Variants in AGMO observed in about 807,000 individuals in gnomAD.
AGMO encodes the protein glyceryl-ether monooxygenase.
AGMO carries 75 observed loss-of-function variants against 60.2 expected under a neutral mutation model. The ratio of observed to expected loss-of-function variants is 1.25; its 90% confidence interval spans 1.03 to 1.51. The LOEUF is 1.51. AGMO is among the 40% of genes most tolerant of loss of function. The pLI, the probability that AGMO is intolerant of heterozygous loss-of-function variation, is 0.00. For missense variants in AGMO, 763 were observed against 525.5 expected (o/e 1.45, Z -4.42); for synonymous variants, 261 against 177.1 (o/e 1.47, Z -3.76).
intron 12 of AGMO, among the ~76,000 whole-genome samples, chr7:15,329,876 G>A (rs930746050): frequency 1.3e-5 from 2 of 152,138 alleles, no homozygotes; most frequent in Non-Finnish European, 2.9e-5. Context: ...GGGTTTGGTA[G>A]AGGGTTGAGC....
chr7:15,340,688 G>C (rs538526835), intron 12 of AGMO, among the ~76,000 whole-genome samples: 4 of 152,320 alleles, frequency 2.6e-5, no homozygotes, highest in Non-Finnish European at 4.4e-5. Flanking sequence ...CAAGAATTGA[G>C]ATTTGGGAAC....
chr7:15,376,394 T>C lies in AGMO; in HGVS notation c.1074+9052A>G, dbSNP rs1247816619. ...TATATTGATTTTTTTACAGGTTTTT[T>C]TCAGCAGCTTTATTAAAAAACGCCA... On this transcript the variant is annotated intron_variant, in intron 10 of 12. Coordinates refer to ENST00000342526, the MANE Select transcript of AGMO (RefSeq NM_001004320.2). 3.3e-5 allele frequency among the ~76,000 whole-genome samples: 5 copies of C among 152,102 alleles called. No homozygotes were observed. In the East Asian group the frequency reaches 5.8e-4, roughly 18 times the overall value.
At chr7:15,427,439 G>A (rs974859056) in intron 4 of AGMO, among the ~76,000 whole-genome samples, 12 of 152,014 alleles carry the variant, frequency 7.9e-5, no homozygotes, top group African/African-American at 2.9e-4. Flanking sequence ...AGTATTAATC[G>A]AATTCCACAC....
chr7:15,442,906 G>A (rs1200738924), intron 3 of AGMO, among the ~76,000 whole-genome samples: 2 of 152,120 alleles, frequency 1.3e-5, no homozygotes, highest in Non-Finnish European at 2.9e-5. Context: ...TGATGTAAGA[G>A]CACACCAACA....
intron 10 of AGMO, among the ~76,000 whole-genome samples, chr7:15,367,959 T>G (rs1321088484): frequency 6.6e-6 from 1 of 152,100 alleles, no homozygotes; most frequent in Non-Finnish European, 1.5e-5. Context: ...GTCACAATTT[T>G]TGCTCACATG....
At chr7:15,265,696 A>G (rs897185995) in intron 12 of AGMO, among the ~76,000 whole-genome samples, 11 of 152,198 alleles carry the variant, frequency 7.2e-5, no homozygotes, top group Non-Finnish European at 1.3e-4. Context: ...GCCATTGATA[A>G]TAGTGTAAAA....
At chr7:15,309,840 C>T (rs1780718399) in intron 12 of AGMO, among the ~76,000 whole-genome samples, 1 of 152,078 alleles carries the variant, frequency 6.6e-6, no homozygotes, top group Non-Finnish European at 1.5e-5. Context: ...CATTGTTCCC[C>T]ATCTTTAATA....
At chr7:15,474,935 G>GA (rs559679153) in intron 3 of AGMO, among the ~76,000 whole-genome samples, 170 of 152,000 alleles carry the variant, frequency 1.1e-3, no homozygotes, top group Non-Finnish European at 1.8e-3. Flanking sequence ...CGACAAACAT[G>GA]AAAAAAAGCT....
chr7:15,463,588 T>C (rs970153266), intron 3 of AGMO, among the ~76,000 whole-genome samples: 6 of 152,146 alleles, frequency 3.9e-5, no homozygotes, highest in African/African-American at 1.2e-4. Context: ...ACACTGGAGA[T>C]ACAAGAAAAA....
chr7:15,476,072 C>A (rs12531211), intron 3 of AGMO, among the ~76,000 whole-genome samples: 1 of 151,884 alleles, frequency 6.6e-6, no homozygotes, highest in African/African-American at 2.4e-5. Flanking sequence ...GATGAGTAAG[C>A]GACACACTGT....
At chr7:15,225,484 T>C (rs1016014200) in intron 12 of AGMO, among the ~76,000 whole-genome samples, 17 of 152,004 alleles carry the variant, frequency 1.1e-4, no homozygotes, top group African/African-American at 4.1e-4. Flanking sequence ...CACATGATTA[T>C]AAAATTGTGT....
At chr7:15,204,155 A>C (rs1372372511) in intron 12 of AGMO, among the ~76,000 whole-genome samples, 1 of 152,140 alleles carries the variant, frequency 6.6e-6, no homozygotes, top group East Asian at 1.9e-4. Context: ...ATATGTGTTT[A>C]TATATAAATA....
intron 12 of AGMO, among the ~76,000 whole-genome samples, chr7:15,342,326 C>T (rs779079525): frequency 6.6e-6 from 1 of 151,880 alleles, no homozygotes; most frequent in Admixed American, 6.6e-5. Context: ...GACCAGAAAA[C>T]AAAGGAGGGA....
chr7:15,370,663 G>A (rs543583614), intron 10 of AGMO, among the ~76,000 whole-genome samples: 2 of 150,730 alleles, frequency 1.3e-5, no homozygotes, highest in South Asian at 2.1e-4. Context: ...ATTTTTTCAT[G>A]TTTGTTGGAT....
chr7:15,474,413 T>C (rs917181629), intron 3 of AGMO, among the ~76,000 whole-genome samples: 1 of 152,128 alleles, frequency 6.6e-6, no homozygotes, highest in African/African-American at 2.4e-5. Flanking sequence ...TACAACCATC[T>C]GATCTTTGAC....
intron 3 of AGMO, among the ~76,000 whole-genome samples, chr7:15,446,079 G>A (rs1054638501): frequency 1.3e-5 from 2 of 152,118 alleles, no homozygotes; most frequent in South Asian, 4.1e-4. Flanking sequence ...TACATGTGAT[G>A]AAGATCCATT....
chr7:15,235,591 C>T (rs913096257), intron 12 of AGMO, among the ~76,000 whole-genome samples: 1 of 151,944 alleles, frequency 6.6e-6, no homozygotes, highest in Non-Finnish European at 1.5e-5. Flanking sequence ...AGAAATAGGC[C>T]GTTCTGATTC....
intron 12 of AGMO, among the ~76,000 whole-genome samples, chr7:15,229,878 T>C (rs961763259): frequency 6.6e-6 from 1 of 151,240 alleles, no homozygotes; most frequent in African/African-American, 2.4e-5. Context: ...CTAGATGTTA[T>C]TCTGTAAAAG....
chr7:15,280,925 G>T (rs1358486953), intron 12 of AGMO, among the ~76,000 whole-genome samples: 1 of 152,150 alleles, frequency 6.6e-6, no homozygotes, highest in Non-Finnish European at 1.5e-5. Flanking sequence ...CCGTTGTTGG[G>T]ATACGTGAGG....
Sources: gnomAD v4.1 joint callset for allele counts (sites outside exome capture counted in the v4.1 genomes callset) on GRCh38, gnomAD v4.1.1 for gene constraint, MANE v1.5 for transcripts, NCBI Gene and HGNC (gene_info 2026-07-23, HGNC 2026-07-21) for gene names.